The following HDAC4 variants were observed in gnomAD, a reference collection of about 807,000 sequenced individuals.
HDAC4 encodes the protein histone deacetylase 4.
Under a neutral mutation model 135.1 loss-of-function variants are expected in HDAC4, and 16 were observed. The observed-to-expected ratio is 0.12, with a 90% CI of 0.08 to 0.18. The LOEUF (loss-of-function observed/expected upper bound fraction) is 0.18. Ranked by LOEUF, HDAC4 falls within the 10% of genes least tolerant of loss-of-function variation. The pLI, the probability that HDAC4 is intolerant of heterozygous loss-of-function variation, is 1.00. For missense variants in HDAC4, 1,143 were observed against 1,511.8 expected, an observed-to-expected ratio of 0.76 and a Z score of 4.05; for synonymous variants, 685 against 653.4, an observed-to-expected ratio of 1.05 and a Z score of -0.74.
intron 2 of HDAC4, among the ~76,000 whole-genome samples, chr2:239,251,199 A>T (rs2048766427): frequency 6.6e-6 from 1 of 152,264 alleles, no homozygotes; most frequent in Non-Finnish European, 1.5e-5. Context: ...TTATTTTCAT[A>T]TCTAAAATGT....
At chr2:239,367,395 T>C (rs1048947405) in intron 1 of HDAC4, among the ~76,000 whole-genome samples, 3 of 152,192 alleles carry the variant, frequency 2.0e-5, no homozygotes, top group African/African-American at 7.2e-5. Flanking sequence ...ATGTTACCTA[T>C]CTATTTAACA....
chr2:239,384,631 G>A (rs1031985202), intron 1 of HDAC4, among the ~76,000 whole-genome samples: 1 of 151,982 alleles, frequency 6.6e-6, no homozygotes, highest in South Asian at 2.1e-4. Context: ...AAAGGCAAAG[G>A]AAACGGAAGA....
At chr2:239,072,510 C>T (rs576427953) in intron 22 of HDAC4, among the ~76,000 whole-genome samples, 79 of 152,292 alleles carry the variant, frequency 5.2e-4, no homozygotes, top group African/African-American at 1.6e-3. Flanking sequence ...TGTGTCCCCA[C>T]GGCCTCCCCA....
At chr2:239,396,139 ATTTTT>A (rs557713979) in intron 1 of HDAC4, among the ~76,000 whole-genome samples, 1 of 138,748 alleles carries the variant, frequency 7.2e-6, no homozygotes. Context: ...GTCATGCCTG[ATTTTT>A]TTTTTTTTTT....
Position 239,068,674 on chromosome 2 carries a change from A to ACTGCACTTGCTTGGTGAGAGGG in HDAC4, c.2751-68_2751-67insCCCTCTCACCAAGCAAGTGCAG. ...AGGGACGGGACGGTCACAAAACCCC[A>ACTGCACTTGCTTGGTGAGAGGG]AGGTTCCCTCTGGCATTGATAATGC... is the stretch of plus-strand genomic sequence containing the variant. On this transcript the variant is annotated intron_variant, in intron 22 of 26. Transcript: ENST00000543185. The surrounding 1 kb of genome is among the most constrained non-coding windows in gnomAD (Gnocchi z 4.4). 4 of 1,377,288 alleles carry ACTGCACTTGCTTGGTGAGAGGG rather than the reference A, an allele frequency of 2.9e-6. No individual in the cohort carries two copies. The highest frequency in any genetic ancestry group is 4.1e-6 in the Non-Finnish European group (4 of 965,430). The allele number at this position is 1,377,288 out of a possible 1,614,324, so 85.3% of individuals were successfully genotyped here.
chr2:239,280,512 C>T (rs549148494), intron 2 of HDAC4, among the ~76,000 whole-genome samples: 20 of 152,298 alleles, frequency 1.3e-4, no homozygotes, highest in South Asian at 2.1e-4. Flanking sequence ...GGGCACTGCA[C>T]GCCTCCCCAC....
intron 1 of HDAC4, among the ~76,000 whole-genome samples, chr2:239,354,266 G>A (rs1693347159): frequency 6.6e-6 from 1 of 152,134 alleles, no homozygotes; most frequent in Non-Finnish European, 1.5e-5. Flanking sequence ...CCTATTCCAT[G>A]TGTGGATAGA....
intron 3 of HDAC4, among the ~76,000 whole-genome samples, chr2:239,203,086 T>A (rs575178285): frequency 1.4e-3 from 210 of 152,224 alleles, no homozygotes; most frequent in African/African-American, 5.0e-3. Context: ...AGGGCTCCTG[T>A]GCCATAGGGT....
Position 239,176,535 on chromosome 2 carries a change from T to A in HDAC4, c.368A>T (p.His123Leu). 6.2e-7 allele frequency: 1 copy of A among 1,613,306 alleles called. No homozygotes were observed. Among genetic ancestry groups the A allele is most frequent in the Non-Finnish European group, 8.5e-7 (1 of 1,179,842 alleles). ...CTGGTGTTCCAGCAGCTCCTGCTGG[T>A]GCTTCATGGCCAGCATCTCCTGTTG... ...KQQQEMLAMK[H>L]QQELLEHQRK... The change falls in exon 5 of 27, where the codon CAC becomes CTC. Residue 123 changes from histidine (H) to leucine (L), a missense_variant. His to Leu is a moderately conservative substitution (Grantham distance 99). Transcript: ENST00000543185.
intron 2 of HDAC4, among the ~76,000 whole-genome samples, chr2:239,276,964 G>A (rs889623172): frequency 1.4e-4 from 21 of 151,718 alleles, no homozygotes; most frequent in Admixed American, 7.2e-4. Flanking sequence ...AACACCATTC[G>A]AGAGTCAGCT....
At position 239,068,036 on chromosome 2, in the gene HDAC4, G is replaced by A. The variant is rs916190639; in HGVS notation, c.2869+453C>T. Reference sequence around the variant, plus strand: ...CCATCCTGACAGCATGGCCCCTAACGCTGATCCTGAGAGGACACACACATC... The same window carrying A: ...CCATCCTGACAGCATGGCCCCTAACACTGATCCTGAGAGGACACACACATC... On this transcript the variant is annotated intron_variant, in intron 23 of 26. Coordinates refer to ENST00000543185, the MANE Select transcript of HDAC4 (RefSeq NM_001378414.1). The surrounding 1 kb of genome is among the most constrained non-coding windows in gnomAD (Gnocchi z 4.4). 2.6e-5 allele frequency among the ~76,000 whole-genome samples: 4 copies of A among 152,188 alleles called. No homozygotes were observed. The South Asian group carries it at 8.3e-4, about 31-fold the overall frequency.
chr2:239,165,020 C>T (rs1277496811), intron 5 of HDAC4, among the ~76,000 whole-genome samples: 4 of 152,084 alleles, frequency 2.6e-5, no homozygotes, highest in Non-Finnish European at 4.4e-5. Flanking sequence ...CCCAGGGGTT[C>T]GAGACCAGCC....
chr2:239,133,671 T>C (rs1410578462), intron 11 of HDAC4, among the ~76,000 whole-genome samples: 10 of 152,160 alleles, frequency 6.6e-5, no homozygotes, highest in Admixed American at 6.6e-4. Context: ...TTCACCATGT[T>C]AGTCAGGCTG....
At chr2:239,125,883 C>A (rs1039800834) in intron 12 of HDAC4, among the ~76,000 whole-genome samples, 3 of 152,248 alleles carry the variant, frequency 2.0e-5, no homozygotes, top group Non-Finnish European at 2.9e-5. Flanking sequence ...AGTGTCCCTT[C>A]GACTTCCTGC....
At chr2:239,257,939 C>T (rs946940240) in intron 2 of HDAC4, among the ~76,000 whole-genome samples, 5 of 152,144 alleles carry the variant, frequency 3.3e-5, no homozygotes, top group African/African-American at 1.2e-4. Context: ...TACTTATTTG[C>T]TGCAATACCA....
chr2:239,398,079 CAGCT>C (rs1696684221), intron 1 of HDAC4, among the ~76,000 whole-genome samples: 1 of 3,488 alleles, frequency 2.9e-4, no homozygotes, highest in African/African-American at 4.3e-3. Context: ...CCCCCATCCC[CAGCT>C]AGTCATCAAT....
At position 239,299,985 on chromosome 2, in the gene HDAC4, C is replaced by T. The variant is rs571226822; in HGVS notation, c.22+52693G>A. On this transcript the variant is annotated intron_variant, in intron 2 of 26. Coordinates refer to ENST00000543185, the MANE Select transcript of HDAC4 (RefSeq NM_001378414.1). The surrounding 1 kb of genome is among the most constrained non-coding windows in gnomAD (Gnocchi z 4.0). ...CCTGCAGTGCTCCATGAATTTCTCC[C>T]GAATTCCATCCGTAAGTGCCTTTCA... 4.9e-4 allele frequency among the ~76,000 whole-genome samples: 74 copies of T among 152,314 alleles called. No homozygotes were observed. Among genetic ancestry groups the T allele is most frequent in the African/African-American group, 1.6e-3 (68 of 41,574 alleles).
chr2:239,277,940 C>T (rs575162219), intron 2 of HDAC4, among the ~76,000 whole-genome samples: 161 of 152,070 alleles, frequency 1.1e-3, no homozygotes, highest in African/African-American at 3.8e-3. Flanking sequence ...GCCACACACG[C>T]CAGCCACACA....
rs79193503 is a variant in HDAC4, at chr2:239,125,221, T to C, written c.1533+1235A>G. ...CTGGATCATGTGGGTGGATTTGGCA[T>C]GAACGGCTGAACACCGTCTGTTGGT... On this transcript the variant is annotated intron_variant, in intron 12 of 26. Coordinates refer to ENST00000543185, the MANE Select transcript of HDAC4 (RefSeq NM_001378414.1). 2.0e-3 allele frequency among the ~76,000 whole-genome samples: 301 copies of C among 152,362 alleles called. 1 individual carries two copies. The highest frequency in any genetic ancestry group is 3.2e-3 in the Non-Finnish European group (221 of 68,036).
Sources: gnomAD v4.1 joint callset for allele counts (sites outside exome capture counted in the v4.1 genomes callset) on GRCh38, gnomAD v4.1.1 for gene constraint, Gnocchi (gnomAD v3.1) non-coding constraint, MANE v1.5 for transcripts, NCBI Gene and HGNC (gene_info 2026-07-23, HGNC 2026-07-21) for gene names.